NOM1: variants seen among roughly 807,000 people sequenced by gnomAD.
The protein encoded by NOM1 is nucleolar MIF4G domain-containing protein 1.
In NOM1, 58 loss-of-function variants were observed where a neutral mutation model predicts 73.3. The observed-to-expected ratio is 0.79, with a 90% CI of 0.64 to 0.99. The LOEUF is 0.99. Ranked by LOEUF, NOM1 falls within the 50% of genes least tolerant of loss-of-function variation. The probability of loss-of-function intolerance (pLI) is 0.00; values close to 1 mark genes in which losing one functional copy is unlikely to be tolerated. For missense variants in NOM1, 1,226 were observed against 1,131.9 expected (o/e 1.08, Z -1.19); for synonymous variants, 487 against 446.8 (o/e 1.09, Z -1.14).
intron 4 of NOM1, among the ~76,000 whole-genome samples, chr7:156,960,620 G>A (rs577404843): frequency 1.3e-5 from 2 of 152,200 alleles, no homozygotes; most frequent in African/African-American, 2.4e-5. Context: ...GGAAGAACCC[G>A]AAAAGGGTTA....
chr7:156,963,602 C>T (rs1179972452), intron 6 of NOM1: 5 of 364,928 alleles, frequency 1.4e-5, no homozygotes, highest in Non-Finnish European at 2.5e-5. Flanking sequence ...TTCTGTGTCA[C>T]TCATGGTCAC....
At chr7:156,959,338 G>A (rs1346029213) in intron 3 of NOM1, among the ~76,000 whole-genome samples, 1 of 151,306 alleles carries the variant, frequency 6.6e-6, no homozygotes, top group Non-Finnish European at 1.5e-5. Flanking sequence ...TCCTGATCTT[G>A]TGATCCACCC....
At chr7:156,959,121 T>A (rs1423570469) in intron 3 of NOM1, among the ~76,000 whole-genome samples, 1 of 140,368 alleles carries the variant, frequency 7.1e-6, no homozygotes, top group African/African-American at 2.7e-5. Context: ...TTTTTTTTTT[T>A]ACACAGAGTC....
chr7:156,967,192 G>T (rs766863110), intron 9 of NOM1, 100 bp downstream of exon 9: 210 of 1,359,882 alleles, frequency 1.5e-4, no homozygotes, highest in Non-Finnish European at 1.9e-4. Flanking sequence ...TATTTTCTTC[G>T]ATTCTGATTC....
At position 156,964,018 on chromosome 7, in the gene NOM1, G is replaced by A. The variant is rs1804936353; in HGVS notation, c.2025G>A (p.Lys675=). 2 of 1,613,100 alleles carry A rather than the reference G, an allele frequency of 1.2e-6. No individual in the cohort carries two copies. The highest frequency in any genetic ancestry group is 2.2e-5 in the East Asian group (1 of 44,886). The change falls in exon 7 of 11, where the codon AAG becomes AAA. Residue 675 remains lysine (K), a synonymous_variant. Transcript: ENST00000275820. ...TSEDFLDAFE[K]LLKLGLKDQQ... Reference sequence around the variant, plus strand: ...AAGATTTTTTGGATGCTTTTGAAAAGCTTCTGAAGTAAGCATTTGTGTGCA... The same window carrying A: ...AAGATTTTTTGGATGCTTTTGAAAAACTTCTGAAGTAAGCATTTGTGTGCA...
At chr7:156,958,267 A>G (rs923937687) in intron 3 of NOM1, among the ~76,000 whole-genome samples, 4 of 152,136 alleles carry the variant, frequency 2.6e-5, no homozygotes, top group African/African-American at 9.7e-5. Context: ...CAGCCCCACT[A>G]GCTTGCTGCC....
intron 3 of NOM1, among the ~76,000 whole-genome samples, chr7:156,958,124 C>G (rs1804772683): frequency 6.9e-6 from 1 of 145,000 alleles, no homozygotes; most frequent in Admixed American, 6.8e-5. Context: ...TGTCTGTGTA[C>G]TTCCCCATAC....
intron 3 of NOM1, chr7:156,958,929 C>G (rs1005686692): frequency 1.3e-5 from 2 of 152,234 alleles, no homozygotes; most frequent in African/African-American, 4.8e-5. Flanking sequence ...CTCCGTGCCA[C>G]CTGGAGCCCT....
Position 156,972,403 on chromosome 7 carries a change from T to C in NOM1, c.*2700T>C, listed in dbSNP as rs541277479. 6.8e-6 allele frequency: 1 copy of C among 146,052 alleles called. No individual in the cohort carries two copies. The highest frequency in any genetic ancestry group is 2.2e-4 in the South Asian group (1 of 4,628). 9.0% of individuals were successfully genotyped at this position (146,052 alleles called of 1,614,324 possible). A position where few individuals can be genotyped will look rare whatever the true frequency, so the allele number is the denominator to read the frequency against. ...TTTTTCTGCAAAAGATGAATTTCTA[T>C]AAACAATCCCATTTTTATATTTTAT... On this transcript the variant is annotated 3_prime_UTR_variant, in exon 11 of 11. Coordinates refer to ENST00000275820, the MANE Select transcript of NOM1 (RefSeq NM_138400.2).
In NOM1 at chr7:156,949,807, C is replaced by A. The variant is rs6969990; in HGVS notation, c.70C>A (p.Arg24Ser). The change falls in exon 1 of 11, where the codon CGC (arginine) becomes AGC (serine). Residue 24 changes from arginine to serine, a missense_variant. Physicochemically the swap from Arg to Ser is moderately radical, Grantham distance 110 (BLOSUM62 -1). Coordinates refer to ENST00000275820, the MANE Select transcript of NOM1 (RefSeq NM_138400.2). ...GSQGRVVRMK[R>S]RGGRGPRRGP... ...CCAGGGACGCGTGGTCCGCATGAAG[C>A]GCAGAGGCGGGCGCGGGCCGCGCCG... The A allele has an allele frequency of 6.9e-7, 1 of 1,444,414 alleles. No homozygotes were observed. 89.5% of individuals were successfully genotyped at this position (1,444,414 alleles called of 1,614,324 possible). A position where few individuals can be genotyped will look rare whatever the true frequency, so the allele number is the denominator to read the frequency against.
chr7:156,968,125 G>A (rs1388270985), intron 9 of NOM1, among the ~76,000 whole-genome samples: 2 of 152,176 alleles, frequency 1.3e-5, no homozygotes, highest in Non-Finnish European at 2.9e-5. Context: ...TACTGAAAAT[G>A]AGGGCACCGA....
chr7:156,968,175 A>G (rs1275632849), intron 9 of NOM1, among the ~76,000 whole-genome samples: 1 of 152,170 alleles, frequency 6.6e-6, no homozygotes, highest in Non-Finnish European at 1.5e-5. Context: ...AACTTAGCTC[A>G]TGGAGGAGGC....
At position 156,971,748 on chromosome 7, in the gene NOM1, C is replaced by G. The variant is rs969282583; in HGVS notation, c.*2045C>G. On this transcript the variant is annotated 3_prime_UTR_variant, in exon 11 of 11. Transcript: ENST00000275820. The stretch of plus-strand genomic sequence containing the variant: ...CTAATGGTTTAAGCTTTGAAGCATG[C>G]GCAAGCAACATGAACAACTGAATAC... 6.6e-6 allele frequency: 1 copy of G among 152,230 alleles called. No homozygotes were observed. The highest frequency in any genetic ancestry group is 1.9e-4 in the East Asian group (1 of 5,196). The allele number at this position is 152,230 out of a possible 1,614,324, so 9.4% of individuals were successfully genotyped here. A position where few individuals can be genotyped will look rare whatever the true frequency, so the allele number is the denominator to read the frequency against.
intron 9 of NOM1, among the ~76,000 whole-genome samples, chr7:156,967,771 C>T (rs1035724996): frequency 2.0e-5 from 3 of 152,192 alleles, no homozygotes; most frequent in African/African-American, 7.2e-5. Flanking sequence ...GATCTGCCCT[C>T]CTCAGCCTCC....
chr7:156,950,522 A>T lies in NOM1; in HGVS notation c.785A>T (p.Glu262Val). Residue 262 changes from glutamate to valine, a missense_variant, in exon 1 of 11, where the codon GAG (glutamate) becomes GTG (valine). By Grantham distance (121) the Glu-to-Val change is moderately radical. Coordinates refer to ENST00000275820, the MANE Select transcript of NOM1 (RefSeq NM_138400.2). ...GACTCCCAGGACGAAAGTGAGGAGG[A>T]GGAGGAGGGAGACGTAGAAAAGGAA... The part of the protein sequence containing the change: ...ESDSQDESEE[E>V]EEGDVEKEKK... 7 of 1,614,110 alleles carry T rather than the reference A, an allele frequency of 4.3e-6. No individual in the cohort carries two copies. The highest frequency in any genetic ancestry group is 5.9e-6 in the Non-Finnish European group (7 of 1,180,008).
chr7:156,957,729 C>T (rs1177959816), intron 3 of NOM1, among the ~76,000 whole-genome samples: 5 of 92,074 alleles, frequency 5.4e-5, no homozygotes, highest in East Asian at 2.5e-4. Flanking sequence ...GAGCCGAGAT[C>T]GCACCACTGC....
chr7:156,962,402 G>A (rs1170028845), intron 5 of NOM1, 141 bp downstream of exon 5: 5 of 685,144 alleles, frequency 7.3e-6, no homozygotes, highest in East Asian at 2.7e-5. Flanking sequence ...GAGTGAACGC[G>A]GCTCGGTTTT....
intron 2 of NOM1, among the ~76,000 whole-genome samples, chr7:156,953,386 C>A (rs1481033881): frequency 6.6e-6 from 1 of 152,098 alleles, no homozygotes; most frequent in Non-Finnish European, 1.5e-5. Context: ...CCTCAGCCTC[C>A]GAAAGTGCTG....
rs149887319 is a variant in NOM1, at chr7:156,963,929, G to T, written c.1936G>T (p.Ala646Ser). ...GGTCAGTTCAAAGATCCTAGAACTC[G>T]CCCGGAAGCAGAGGATGAACACAGA... ...GTVSSKILEL[A>S]RKQRMNTDIR... The change falls in exon 7 of 11, where the codon GCC becomes TCC. Residue 646 changes from alanine (A) to serine (S), a missense_variant. By Grantham distance (99) the Ala-to-Ser change is moderately conservative. Coordinates refer to ENST00000275820, the MANE Select transcript of NOM1 (RefSeq NM_138400.2). 9.6e-4 allele frequency: 1,556 copies of T among 1,614,008 alleles called. 4 individuals carry two copies. The highest frequency in any genetic ancestry group is 1.8e-3 in the South Asian group (163 of 91,068).
Sources: allele counts gnomAD v4.1 joint callset (sites outside exome capture counted in the v4.1 genomes callset), GRCh38; gene constraint gnomAD v4.1.1; transcripts MANE v1.5; gene names NCBI Gene and HGNC (gene_info 2026-07-23, HGNC 2026-07-21).